The following SAMD3 variants were observed in gnomAD, a reference collection of about 807,000 sequenced individuals.
SAMD3 encodes sterile alpha motif domain containing 3, also known as sterile alpha motif domain-containing protein 3.
Under a neutral mutation model 58.5 loss-of-function variants are expected in SAMD3, and 63 were observed. The ratio of observed to expected loss-of-function variants is 1.08; its 90% CI spans 0.88 to 1.33. SAMD3 has a LOEUF of 1.33. SAMD3 is among the 40% of genes most tolerant of loss of function. The pLI, the probability that SAMD3 is intolerant of heterozygous loss-of-function variation, is 0.00. For synonymous variants in SAMD3, 220 were observed against 210.3 expected (o/e 1.05, Z -0.40); for missense variants, 604 against 608.4 (o/e 0.99, Z 0.08).
At chr6:130,316,422 T>G (rs1187740535) in intron 1 of SAMD3, among the ~76,000 whole-genome samples, 1 of 151,936 alleles carries the variant, frequency 6.6e-6, no homozygotes, top group Non-Finnish European at 1.5e-5. Context: ...AAGAGTGTGC[T>G]ATAGGTTATT....
At chr6:130,192,750 G>C (rs930089510) in intron 5 of SAMD3, among the ~76,000 whole-genome samples, 5 of 152,174 alleles carry the variant, frequency 3.3e-5, no homozygotes, top group African/African-American at 1.2e-4. Flanking sequence ...CCTCCCTTGG[G>C]AGATCAATCC....
intron 8 of SAMD3, among the ~76,000 whole-genome samples, chr6:130,164,032 C>T (rs1351206036): frequency 6.6e-6 from 1 of 150,562 alleles, no homozygotes; most frequent in Non-Finnish European, 1.5e-5. Context: ...ACAAGAACAT[C>T]CTAAAAGCAT....
intron 2 of SAMD3, among the ~76,000 whole-genome samples, chr6:130,251,700 T>C (rs755263557): frequency 6.6e-6 from 1 of 152,196 alleles, no homozygotes; most frequent in Non-Finnish European, 1.5e-5. Context: ...GATTTCTTTC[T>C]AGGCTTTCAA....
upstream of SAMD3, chr6:130,223,018 G>A (rs1376289482): frequency 1.3e-5 from 2 of 152,142 alleles, no homozygotes; most frequent in Non-Finnish European, 2.9e-5. Flanking sequence ...GACAGCTAAC[G>A]TTTGCACCTC....
At chr6:130,267,213 T>C (rs1774391678) in intron 2 of SAMD3, among the ~76,000 whole-genome samples, 1 of 152,242 alleles carries the variant, frequency 6.6e-6, no homozygotes, top group Non-Finnish European at 1.5e-5. Flanking sequence ...AAGTGTGGCA[T>C]GGATTTGATC....
intron 2 of SAMD3, among the ~76,000 whole-genome samples, chr6:130,273,026 GTTTC>G (rs569432424): frequency 6.6e-6 from 1 of 151,376 alleles, no homozygotes; most frequent in South Asian, 2.1e-4. Flanking sequence ...CAAGTGTGCT[GTTTC>G]TTTATTGATT....
intron 1 of SAMD3, among the ~76,000 whole-genome samples, chr6:130,333,456 T>A (rs973879530): frequency 6.6e-6 from 1 of 152,196 alleles, no homozygotes; most frequent in African/African-American, 2.4e-5. Context: ...AACTTAAGTA[T>A]GAACTAGTGG....
At chr6:130,285,503 C>G (rs1775125262) in intron 2 of SAMD3, among the ~76,000 whole-genome samples, 1 of 152,186 alleles carries the variant, frequency 6.6e-6, no homozygotes, top group Middle Eastern at 3.4e-3. Context: ...TCATGATGCC[C>G]AAAGCTATGT....
At chr6:130,144,240 C>CA (rs757055017), downstream of SAMD3, 75 of 401,558 alleles carry the variant, frequency 1.9e-4, no homozygotes, top group African/African-American at 2.7e-4. Flanking sequence ...CAGTGTATTT[C>CA]AAAAAAACTG....
chr6:130,182,713 G>A (rs1792488759), intron 7 of SAMD3, among the ~76,000 whole-genome samples: 1 of 152,206 alleles, frequency 6.6e-6, no homozygotes, highest in Admixed American at 6.5e-5. Flanking sequence ...GCCTTAAAAT[G>A]TCTTTATATT....
chr6:130,203,240 A>C (rs1236809786), intron 5 of SAMD3, among the ~76,000 whole-genome samples: 1 of 147,660 alleles, frequency 6.8e-6, no homozygotes. Context: ...CAAGAACAAC[A>C]ATAGGTAAAA....
At chr6:130,248,179 C>CGTGT (rs71810571) in intron 2 of SAMD3, among the ~76,000 whole-genome samples, 2,394 of 146,372 alleles carry the variant, frequency 0.016, 31 homozygotes, top group Non-Finnish European at 0.023. Flanking sequence ...AAGTGTTTTG[C>CGTGT]GTGTGTGTGT....
intron 2 of SAMD3, among the ~76,000 whole-genome samples, chr6:130,298,756 T>G (rs1008699653): frequency 2.0e-5 from 3 of 151,986 alleles, no homozygotes; most frequent in African/African-American, 7.2e-5. Flanking sequence ...GTAAAAACAT[T>G]CATAGGCTCA....
chr6:130,344,115 A>C (rs372190578), intron 1 of SAMD3, among the ~76,000 whole-genome samples: 2 of 152,176 alleles, frequency 1.3e-5, no homozygotes, highest in Admixed American at 6.5e-5. Flanking sequence ...TTACCAACTT[A>C]TTTATTTTAT....
chr6:130,254,754 AGGTAATAGT>A (rs1311506600), intron 2 of SAMD3, among the ~76,000 whole-genome samples: 1 of 152,194 alleles, frequency 6.6e-6, no homozygotes, highest in Non-Finnish European at 1.5e-5. Context: ...TTTGGAATCA[AGGTAATAGT>A]GGCCTCATAA....
At chr6:130,197,613 A>G (rs371241419) in intron 5 of SAMD3, among the ~76,000 whole-genome samples, 16 of 152,156 alleles carry the variant, frequency 1.1e-4, no homozygotes, top group Admixed American at 7.2e-4. Flanking sequence ...TCCTTCTAAC[A>G]ACCCCACAAT....
At chr6:130,358,096 C>T (rs1178090257) in intron 1 of SAMD3, among the ~76,000 whole-genome samples, 1 of 152,128 alleles carries the variant, frequency 6.6e-6, no homozygotes, top group Non-Finnish European at 1.5e-5. Context: ...ATCAAATATC[C>T]TTTGGCAGAA....
chr6:130,176,287 G>C, intron 7 of SAMD3: 1 of 376,314 alleles, frequency 2.7e-6, no homozygotes, highest in South Asian at 3.1e-5. Context: ...TAAATATATT[G>C]GTTCTTGAAC....
chr6:130,249,787 G>A (rs1324635621), intron 2 of SAMD3, among the ~76,000 whole-genome samples: 1 of 152,176 alleles, frequency 6.6e-6, no homozygotes, highest in Non-Finnish European at 1.5e-5. Context: ...TATCAAAAGA[G>A]CCTTTCCAGA....
Sources: gnomAD v4.1 joint callset for allele counts (sites outside exome capture counted in the v4.1 genomes callset) on GRCh38, gnomAD v4.1.1 for gene constraint, MANE v1.5 for transcripts, NCBI Gene and HGNC (gene_info 2026-07-23, HGNC 2026-07-21) for gene names.